The following INPP4B variants were observed in gnomAD, a reference collection of about 807,000 sequenced individuals.
The protein encoded by INPP4B is inositol polyphosphate 4-phosphatase type II.
INPP4B carries 55 observed loss-of-function variants against 122.5 expected under a neutral mutation model. The ratio of observed to expected loss-of-function variants is 0.45; its 90% CI spans 0.36 to 0.56. INPP4B has a LOEUF of 0.56. Ranked by LOEUF, INPP4B falls within the 20% of genes least tolerant of loss-of-function variation. The pLI, the probability that INPP4B is intolerant of heterozygous loss-of-function variation, is 0.00. For synonymous variants in INPP4B, 403 were observed against 388.7 expected, an observed-to-expected ratio of 1.04 and a Z score of -0.43; for missense variants, 1,000 against 1,097.7, an observed-to-expected ratio of 0.91 and a Z score of 1.26.
intron 7 of INPP4B, among the ~76,000 whole-genome samples, chr4:142,376,914 A>G (rs988675604): frequency 2.6e-5 from 4 of 152,052 alleles, no homozygotes; most frequent in Non-Finnish European, 4.4e-5. Flanking sequence ...TAATTAATGA[A>G]GTTTTAAATC....
chr4:142,364,847 A>T (rs1786829340), intron 7 of INPP4B, among the ~76,000 whole-genome samples: 1 of 152,110 alleles, frequency 6.6e-6, no homozygotes, highest in African/African-American at 2.4e-5. Context: ...CCCGGGAGGC[A>T]GCAGCAATCA....
At position 142,315,586 on chromosome 4, in the gene INPP4B, A is replaced by G. The variant is rs533452359; in HGVS notation, c.373-824T>C. On this transcript the variant is annotated intron_variant, in intron 7 of 25. Coordinates refer to ENST00000262992, the MANE Select transcript of INPP4B (RefSeq NM_001101669.3). ...CATGCCCCCAGATATTCTGCTTCCA[A>G]TGTACAGCTACTGACTCTACAGTTC... 4.6e-5 allele frequency among the ~76,000 whole-genome samples: 7 copies of G among 152,008 alleles called. No individual in the cohort carries two copies. In the South Asian group the frequency reaches 1.5e-3, roughly 32 times the overall value.
At chr4:142,522,191 C>A (rs1210816375) in intron 2 of INPP4B, among the ~76,000 whole-genome samples, 1 of 151,820 alleles carries the variant, frequency 6.6e-6, no homozygotes, top group Non-Finnish European at 1.5e-5. Context: ...TTATGTTTAT[C>A]AATTTTTAAA....
chr4:142,069,572 T>C (rs879751512), intron 25 of INPP4B, among the ~76,000 whole-genome samples: 2 of 151,800 alleles, frequency 1.3e-5, no homozygotes, highest in Non-Finnish European at 2.9e-5. Flanking sequence ...ATCAACAAAA[T>C]TGATAGATCG....
chr4:142,576,743 C>T (rs910379180), intron 2 of INPP4B, among the ~76,000 whole-genome samples: 7 of 152,026 alleles, frequency 4.6e-5, no homozygotes, highest in East Asian at 1.9e-4. Context: ...ACACCCACTA[C>T]GATACAAATA....
intron 2 of INPP4B, among the ~76,000 whole-genome samples, chr4:142,483,958 T>C (rs531624963): frequency 6.6e-6 from 1 of 152,142 alleles, no homozygotes; most frequent in Non-Finnish European, 1.5e-5. Flanking sequence ...GAGACTGTTA[T>C]GCATCATGAG....
chr4:142,722,441 A>G (rs1166003643), intron 2 of INPP4B, among the ~76,000 whole-genome samples: 1 of 152,208 alleles, frequency 6.6e-6, no homozygotes, highest in Non-Finnish European at 1.5e-5. Context: ...AAGACCTTGA[A>G]CAGTAGCAGG....
chr4:142,094,042 C>A (rs1352179290), intron 23 of INPP4B, among the ~76,000 whole-genome samples: 4 of 152,022 alleles, frequency 2.6e-5, no homozygotes, highest in Non-Finnish European at 4.4e-5. Context: ...ATATTTTTTT[C>A]CTGTTTATAT....
At chr4:142,429,426 T>C (rs1808808796) in intron 4 of INPP4B, among the ~76,000 whole-genome samples, 1 of 152,086 alleles carries the variant, frequency 6.6e-6, no homozygotes, top group African/African-American at 2.4e-5. Context: ...TAAGATTTGA[T>C]TGGTCATTTT....
chr4:142,254,465 A>G (rs1166795628), intron 11 of INPP4B, among the ~76,000 whole-genome samples: 1 of 152,032 alleles, frequency 6.6e-6, no homozygotes, highest in Non-Finnish European at 1.5e-5. Flanking sequence ...AAAAAAATTT[A>G]GAAGAATGTA....
At chr4:142,539,100 A>T (rs2150022879) in intron 2 of INPP4B, among the ~76,000 whole-genome samples, 1 of 150,054 alleles carries the variant, frequency 6.7e-6, no homozygotes, top group Non-Finnish European at 1.5e-5. Flanking sequence ...ATATATATAA[A>T]CAATTTAGGA....
At chr4:142,513,395 G>A (rs533440340) in intron 2 of INPP4B, among the ~76,000 whole-genome samples, 15 of 151,688 alleles carry the variant, frequency 9.9e-5, no homozygotes, top group African/African-American at 2.7e-4. Context: ...GGGCAAGGCC[G>A]CTCTCTGGGG....
At chr4:142,358,848 G>A (rs1372633020) in intron 7 of INPP4B, among the ~76,000 whole-genome samples, 2 of 151,898 alleles carry the variant, frequency 1.3e-5, no homozygotes, top group Non-Finnish European at 2.9e-5. Context: ...TCAGGTATAT[G>A]CCTAGATGCA....
At chr4:142,289,421 G>A (rs1286972223) in intron 9 of INPP4B, among the ~76,000 whole-genome samples, 1 of 152,106 alleles carries the variant, frequency 6.6e-6, no homozygotes, top group Non-Finnish European at 1.5e-5. Context: ...AGGACGTGAA[G>A]GTTTGTTACA....
rs1488013664 is a variant in INPP4B at position 142,480,596 on chromosome 4, A to G, written c.-190-17870T>C. 4.6e-5 allele frequency among the ~76,000 whole-genome samples: 7 copies of G among 152,326 alleles called. No individual in the cohort carries two copies. In the East Asian group the frequency reaches 1.3e-3, roughly 29 times the overall value. Reference sequence around the variant, plus strand: ...CTGGCCATCTCCACCGTAGTCCACTATAGTTAAATTTTTATGAGGCTCAAT... The same window carrying G: ...CTGGCCATCTCCACCGTAGTCCACTGTAGTTAAATTTTTATGAGGCTCAAT... On this transcript the variant is annotated intron_variant, in intron 2 of 25. Transcript: ENST00000262992.
chr4:142,210,323 C>T (rs2149545960), intron 12 of INPP4B, among the ~76,000 whole-genome samples: 1 of 152,268 alleles, frequency 6.6e-6, no homozygotes, highest in Non-Finnish European at 1.5e-5. Flanking sequence ...TTTAGAACTG[C>T]TGCAATTTTC....
intron 24 of INPP4B, among the ~76,000 whole-genome samples, chr4:142,083,831 A>G (rs1561059349): frequency 6.6e-6 from 1 of 152,076 alleles, no homozygotes; most frequent in Admixed American, 6.6e-5. Flanking sequence ...TATTTATAAT[A>G]ATAAAATAGA....
At chr4:142,230,591 C>G (rs1326349880) in intron 12 of INPP4B, among the ~76,000 whole-genome samples, 1 of 143,490 alleles carries the variant, frequency 7.0e-6, no homozygotes, top group Non-Finnish European at 1.5e-5. Context: ...TTTGGTGAGC[C>G]GAGATCACAC....
intron 7 of INPP4B, among the ~76,000 whole-genome samples, chr4:142,318,513 GCAGTT>G (rs1377854517): frequency 1.3e-5 from 2 of 152,116 alleles, no homozygotes; most frequent in East Asian, 3.9e-4. Flanking sequence ...GGTCTTATCA[GCAGTT>G]CTTCTCTCTA....
Sources: gnomAD v4.1 joint callset for allele counts (sites outside exome capture counted in the v4.1 genomes callset) on GRCh38, gnomAD v4.1.1 for gene constraint, MANE v1.5 for transcripts, NCBI Gene and HGNC (gene_info 2026-07-23, HGNC 2026-07-21) for gene names.